Variants in BLTP1 observed in about 807,000 individuals in gnomAD.
BLTP1 encodes the protein fragile site-associated protein.
chr4:122,338,212 G>A, the BLTP1 span, among the ~76,000 whole-genome samples: 7 of 152,008 alleles, frequency 4.6e-5, no homozygotes, highest in African/African-American at 1.7e-4. Context: ...ACTTTGGGAG[G>A]CTGAGGCGGG....
chr4:122,279,457 C>G, the BLTP1 span, among the ~76,000 whole-genome samples: 1 of 152,102 alleles, frequency 6.6e-6, no homozygotes, highest in African/African-American at 2.4e-5. Flanking sequence ...CCAAACTTCA[C>G]CATAAACTTG....
At chr4:122,275,002 T>C in the BLTP1 span, among the ~76,000 whole-genome samples, 1 of 152,230 alleles carries the variant, frequency 6.6e-6, no homozygotes, top group South Asian at 2.1e-4. Flanking sequence ...GGGCCCATTC[T>C]CAAGACTTCC....
At chr4:122,153,818 G>A in the BLTP1 span, among the ~76,000 whole-genome samples, 1 of 152,176 alleles carries the variant, frequency 6.6e-6, no homozygotes. Flanking sequence ...GTCTTTGGAA[G>A]GCTTCAGTTT....
chr4:122,179,712 G>A, the BLTP1 span: 3 of 326,126 alleles, frequency 9.2e-6, no homozygotes, highest in Non-Finnish European at 1.3e-5. Context: ...AGAAATGGGC[G>A]TGCACATATA....
At chr4:122,229,862 T>C in the BLTP1 span, 5 of 1,498,228 alleles carry the variant, frequency 3.3e-6, no homozygotes, top group Non-Finnish European at 4.5e-6. Flanking sequence ...ACCTATTCAG[T>C]AGTTTTGGCT....
chr4:122,264,214 A>G, the BLTP1 span: 78 of 1,533,302 alleles, frequency 5.1e-5, no homozygotes, highest in East Asian at 4.2e-4. Context: ...CTATTCCCCA[A>G]TAATTTACAT....
the BLTP1 span, chr4:122,313,516 A>G: frequency 1.2e-5 from 8 of 653,696 alleles, no homozygotes; most frequent in South Asian, 3.4e-4. Flanking sequence ...TAGGAAGGAT[A>G]GTAATCCTCT....
chr4:122,180,834 A>G, the BLTP1 span, among the ~76,000 whole-genome samples: 2 of 152,230 alleles, frequency 1.3e-5, no homozygotes, highest in East Asian at 1.9e-4. Flanking sequence ...AGGGTTTTCT[A>G]TTTATGTAAT....
chr4:122,250,279 G>C, the BLTP1 span: 1 of 1,373,578 alleles, frequency 7.3e-7, no homozygotes, highest in Non-Finnish European at 9.9e-7. Context: ...TAGTCTTTAT[G>C]AAATTTTATA....
At chr4:122,174,224 G>C in the BLTP1 span, 1 of 985,274 alleles carries the variant, frequency 1.0e-6, no homozygotes, top group South Asian at 4.7e-5. Context: ...GCAATGGCTG[G>C]TTCCTGCAGT....
the BLTP1 span, chr4:122,152,432 C>T: frequency 2.0e-6 from 2 of 985,768 alleles, no homozygotes; most frequent in Non-Finnish European, 2.4e-6. Flanking sequence ...CGGCCCCGGG[C>T]GGCGGGGCTA....
At chr4:122,322,206 C>CTGTTT in the BLTP1 span, among the ~76,000 whole-genome samples, 2 of 151,310 alleles carry the variant, frequency 1.3e-5, no homozygotes, top group Non-Finnish European at 2.9e-5. Context: ...CTTAGATATA[C>CTGTTT]TGTTTTGTTT....
chr4:122,301,264 A>T, the BLTP1 span: 6 of 1,317,092 alleles, frequency 4.6e-6, no homozygotes, highest in Non-Finnish European at 5.0e-6. Flanking sequence ...TTTTTCTTTA[A>T]AAAAAAAAAT....
At chr4:122,316,548 C>T in the BLTP1 span, 55 of 719,792 alleles carry the variant, frequency 7.6e-5, no homozygotes, top group South Asian at 6.8e-4. Flanking sequence ...CATGGGGAAA[C>T]GTAGGTAGCA....
the BLTP1 span, chr4:122,171,989 C>A: frequency 3.3e-6 from 3 of 905,302 alleles, no homozygotes; most frequent in Non-Finnish European, 4.0e-6. Context: ...ACTGTTGACA[C>A]AGTGATTTAT....
the BLTP1 span, chr4:122,209,117 G>A: frequency 2.1e-5 from 32 of 1,547,524 alleles, no homozygotes; most frequent in Non-Finnish European, 2.6e-5. Flanking sequence ...ACATATTTAT[G>A]CACTAATTTT....
the BLTP1 span, among the ~76,000 whole-genome samples, chr4:122,280,835 G>A: frequency 2.0e-5 from 3 of 152,074 alleles, no homozygotes. Flanking sequence ...TTTAATCATG[G>A]CTGAAGCTAA....
At chr4:122,240,137 G>C in the BLTP1 span, 1 of 1,614,132 alleles carries the variant, frequency 6.2e-7, no homozygotes, top group Non-Finnish European at 8.5e-7. Flanking sequence ...TAGAAGGTGA[G>C]AAAACAGTGG....
At chr4:122,181,236 C>A in the BLTP1 span, 1 of 946,802 alleles carries the variant, frequency 1.1e-6, no homozygotes, top group Non-Finnish European at 1.3e-6. Flanking sequence ...AAATTAGATG[C>A]GTTCTTTTTT....
Sources: gnomAD v4.1 joint callset for allele counts (sites outside exome capture counted in the v4.1 genomes callset) on GRCh38, gnomAD v4.1.1 for gene constraint, MANE v1.5 for transcripts, NCBI Gene and HGNC (gene_info 2026-07-23, HGNC 2026-07-21) for gene names.